Variants in RERGL observed in about 807,000 individuals in gnomAD.
The protein encoded by RERGL is RERG like.
RERGL carries 22 observed loss-of-function variants against 24.7 expected under a neutral mutation model. The ratio of observed to expected loss-of-function variants is 0.89; its 90% CI spans 0.64 to 1.27. The LOEUF (loss-of-function observed/expected upper bound fraction) is 1.27, where lower values mean the gene tolerates loss of function less well. Ranked by LOEUF, RERGL falls within the 50% of genes most tolerant of loss-of-function variation. The pLI is 0.00. For synonymous variants in RERGL, 76 were observed against 82.6 expected (o/e 0.92, Z 0.43); for missense variants, 259 against 235.3 (o/e 1.10, Z -0.66).
At chr12:18,086,911 T>C (rs1028143302) in intron 2 of RERGL, among the ~76,000 whole-genome samples, 1 of 152,178 alleles carries the variant, frequency 6.6e-6, no homozygotes, top group African/African-American at 2.4e-5. Flanking sequence ...GGCTGCACCT[T>C]CTACAATTTT....
chr12:18,086,322 T>A (rs1433331291), intron 2 of RERGL, among the ~76,000 whole-genome samples: 4 of 152,140 alleles, frequency 2.6e-5, no homozygotes, highest in African/African-American at 9.7e-5. Flanking sequence ...AGTGATGATT[T>A]CCCCTCACCC....
chr12:18,090,013 G>A (rs746040085), intron 1 of RERGL, 76 bp downstream of exon 1: 93 of 969,452 alleles, frequency 9.6e-5, no homozygotes, highest in Middle Eastern at 6.5e-4. Context: ...TATGAAATAC[G>A]TGGTTAATGG....
At chr12:18,081,543 A>AC in intron 4 of RERGL, 70 bp from the exon 5 acceptor site, 1 of 1,276,722 alleles carries the variant, frequency 7.8e-7, no homozygotes, top group Non-Finnish European at 1.1e-6. Context: ...AAAAAAAAAA[A>AC]CAGATTTATA....
chr12:18,084,683 G>A lies in RERGL; in HGVS notation c.184-18C>T, dbSNP rs756857217. ...TTCTGTGTCTGAAAATAAACCAAGTGCATTAAAAGTGGTGGGATCTAATAC... is the reference window on the plus strand; with the variant it reads ...TTCTGTGTCTGAAAATAAACCAAGTACATTAAAAGTGGTGGGATCTAATAC... On this transcript the variant is annotated intron_variant, in intron 3 of 4. Transcript: ENST00000538724. The A allele has an allele frequency of 1.2e-6, 2 of 1,602,848 alleles. No homozygotes were observed. The highest frequency in any genetic ancestry group is 2.2e-5 in the South Asian group (2 of 89,266).
At position 18,081,245 on chromosome 12, in the gene RERGL, T is replaced by C; in HGVS notation, c.561A>G (p.Lys187=). The C allele has an allele frequency of 6.2e-7, 1 of 1,614,000 alleles. No homozygotes were observed. The highest frequency in any genetic ancestry group is 8.5e-7 in the Non-Finnish European group (1 of 1,179,872). Residue 187 remains lysine, a synonymous_variant, in exon 5 of 5, where the codon AAA becomes AAG. Transcript: ENST00000538724. The stretch of plus-strand genomic sequence containing the variant: ...CATTATTGATCAATTTGGCCATTGA[T>C]TTAGATCCACTGGGACGTCTCTTTT... ...LKEKRRPSGS[K]SMAKLINNVF...
chr12:18,083,885 G>A (rs1340266978), intron 4 of RERGL, among the ~76,000 whole-genome samples: 1 of 152,092 alleles, frequency 6.6e-6, no homozygotes, highest in Non-Finnish European at 1.5e-5. Flanking sequence ...GAAAAATAGG[G>A]AAAACTAAAA....
chr12:18,084,709 C>T, intron 3 of RERGL, 44 bp from the exon 4 acceptor site: 1 of 1,562,614 alleles, frequency 6.4e-7, no homozygotes, highest in Non-Finnish European at 8.6e-7. Context: ...GATCTAATAC[C>T]TGTGTTTTTA....
At chr12:18,087,674 A>C (rs1947232920) in intron 2 of RERGL, among the ~76,000 whole-genome samples, 1 of 152,076 alleles carries the variant, frequency 6.6e-6, no homozygotes, top group African/African-American at 2.4e-5. Flanking sequence ...ACATTTCATT[A>C]ATTTATACAA....
chr12:18,089,155 A>C (rs1947246798), intron 1 of RERGL, 199 bp from the exon 2 acceptor site: 1 of 1,312,508 alleles, frequency 7.6e-7, no homozygotes, highest in Admixed American at 2.1e-5. Context: ...TTAGAAAGGA[A>C]GTGATCTTAA....
Position 18,084,589 on chromosome 12 carries a change from T to C in RERGL, c.260A>G (p.Asp87Gly). ...TTTTGCAAAAGCAAATGAAGACCTA[T>C]CACTGATGTCATACACAATAACAAA... ...DGFVIVYDISDRSSFAFAKAL... is the reference protein window; with the variant it reads ...DGFVIVYDISGRSSFAFAKAL... The change falls in exon 4 of 5, where the codon GAT becomes GGT. Residue 87 changes from aspartate to glycine, a missense_variant. Transcript: ENST00000538724. The C allele has an allele frequency of 6.2e-7, 1 of 1,613,214 alleles. No homozygotes were observed. The highest frequency in any genetic ancestry group is 8.5e-7 in the Non-Finnish European group (1 of 1,179,640).
At chr12:18,086,067 G>T (rs552845272) in intron 2 of RERGL, among the ~76,000 whole-genome samples, 1 of 146,732 alleles carries the variant, frequency 6.8e-6, no homozygotes, top group African/African-American at 2.5e-5. Flanking sequence ...TAGAGACGGG[G>T]TTTCACCGTG....
Position 18,081,026 on chromosome 12 carries a change from G to T in RERGL, c.*165C>A. On this transcript the variant is annotated 3_prime_UTR_variant, in exon 5 of 5. Coordinates refer to ENST00000538724, the MANE Select transcript of RERGL (RefSeq NM_001286201.2). The stretch of plus-strand genomic sequence containing the variant: ...TGAGCAGGGTACAACAACCAAAAAG[G>T]CAAACTACATATTTGAAAACACAGC... The T allele has an allele frequency of 1.6e-6, 1 of 618,658 alleles. No individual in the cohort carries two copies. Among genetic ancestry groups the T allele is most frequent in the East Asian group, 2.8e-5 (1 of 35,682 alleles). The allele number at this position is 618,658 out of a possible 1,614,324, so 38.3% of individuals were successfully genotyped here.
At chr12:18,084,469 A>G (rs2136828705) in intron 4 of RERGL, 48 bp downstream of exon 4, 2 of 1,541,724 alleles carry the variant, frequency 1.3e-6, no homozygotes, top group Non-Finnish European at 1.8e-6. Context: ...TTACAGCTAT[A>G]TGATGATTTA....
rs763645689 is a variant in RERGL, at chr12:18,081,182, AC to A, written c.*8del. ...CTGATATAGGAAATCTCCCAGGATTACCTGTCTACTAAACAGATTTCCTTCT... is the reference window on the plus strand; with the variant it reads ...CTGATATAGGAAATCTCCCAGGATTACTGTCTACTAAACAGATTTCCTTCT... On this transcript the variant is annotated 3_prime_UTR_variant, in exon 5 of 5. Transcript: ENST00000538724. 7 of 1,586,526 alleles carry A rather than the reference AC, an allele frequency of 4.4e-6. No homozygotes were observed. The Admixed American group carries it at 1.0e-4, about 23-fold the overall frequency.
At chr12:18,084,965 T>C (rs1348095344) in intron 3 of RERGL, among the ~76,000 whole-genome samples, 1 of 150,862 alleles carries the variant, frequency 6.6e-6, no homozygotes, top group Admixed American at 6.6e-5. Flanking sequence ...TTTTGAATAA[T>C]ATCCACATAT....
intron 4 of RERGL, among the ~76,000 whole-genome samples, chr12:18,081,848 A>G (rs1367808440): frequency 6.6e-6 from 1 of 152,330 alleles, no homozygotes; most frequent in Admixed American, 6.5e-5. Flanking sequence ...GCCATAAAAA[A>G]GAATGAGAGT....
At chr12:18,089,277 T>A (rs1231273535) in intron 1 of RERGL, 1 of 1,605,516 alleles carries the variant, frequency 6.2e-7, no homozygotes, top group South Asian at 1.1e-5. Context: ...TGCAAGAAGT[T>A]TGACATCTGT....
intron 1 of RERGL, chr12:18,089,339 C>A: frequency 6.7e-7 from 1 of 1,498,386 alleles, no homozygotes; most frequent in South Asian, 1.3e-5. Context: ...GTGTAATAGT[C>A]ACAAAGACAC....
chr12:18,088,020 C>T (rs183832996), intron 2 of RERGL, among the ~76,000 whole-genome samples: 1 of 152,244 alleles, frequency 6.6e-6, no homozygotes, highest in East Asian at 1.9e-4. Flanking sequence ...AATTATGCTA[C>T]TTCATGATTG....
Sources: gnomAD v4.1 joint callset for allele counts (sites outside exome capture counted in the v4.1 genomes callset) on GRCh38, gnomAD v4.1.1 for gene constraint, MANE v1.5 for transcripts, NCBI Gene and HGNC (gene_info 2026-07-23, HGNC 2026-07-21) for gene names.